The following DMXL2 variants were observed in gnomAD, a reference collection of about 807,000 sequenced individuals.
The protein encoded by DMXL2 is Dmx like 2.
DMXL2 carries 103 observed loss-of-function variants against 331.1 expected under a neutral mutation model. That is an observed-to-expected ratio of 0.31 (90% confidence interval 0.27 to 0.37). The LOEUF (loss-of-function observed/expected upper bound fraction) is 0.37, where lower values mean the gene tolerates loss of function less well. Ranked by LOEUF, DMXL2 falls within the 10% of genes least tolerant of loss-of-function variation. The probability of loss-of-function intolerance (pLI) is 1.00; values close to 1 mark genes in which losing one functional copy is unlikely to be tolerated. For missense variants in DMXL2, 3,171 were observed against 3,642.9 expected, an observed-to-expected ratio of 0.87 and a Z score of 3.33; for synonymous variants, 1,281 against 1,252.1, an observed-to-expected ratio of 1.02 and a Z score of -0.49.
chr15:51,460,827 T>C (rs2040045631), intron 33 of DMXL2, among the ~76,000 whole-genome samples: 1 of 152,220 alleles, frequency 6.6e-6, no homozygotes, highest in African/African-American at 2.4e-5. Flanking sequence ...ATTTTTTTCT[T>C]AATAAAACAC....
intron 2 of DMXL2, 28 bp from the exon 3 acceptor site, chr15:51,568,586 A>G: frequency 7.0e-7 from 1 of 1,433,588 alleles, no homozygotes; most frequent in Middle Eastern, 1.8e-4. Context: ...CAGCATTAAT[A>G]TCTAGAAAAG....
chr15:51,596,774 A>G (rs1442086439), intron 1 of DMXL2, among the ~76,000 whole-genome samples: 1 of 152,212 alleles, frequency 6.6e-6, no homozygotes, highest in Non-Finnish European at 1.5e-5. Context: ...CTTTGTAGGA[A>G]CATGGATGAA....
intron 1 of DMXL2, among the ~76,000 whole-genome samples, chr15:51,604,604 T>G (rs746742497): frequency 5.3e-4 from 81 of 152,090 alleles, no homozygotes; most frequent in East Asian, 1.9e-4. Flanking sequence ...TCAAAGAAGA[T>G]CTAAATAAAT....
chr15:51,474,463 G>A lies in DMXL2; in HGVS notation c.7094C>T (p.Ser2365Phe), dbSNP rs1566998291. ...TGCAAGCCGAAATAATTCACTGGAG[G>A]AATTTGTGGCAAGAGCATGTATCAA... ...SLLIHALATNSSSELFRLAAH... is the reference protein window; with the variant it reads ...SLLIHALATNFSSELFRLAAH... The change falls in exon 28 of 44, where the codon TCC (serine) becomes TTC (phenylalanine). Residue 2365 changes from serine to phenylalanine, a missense_variant. Around this residue, in one of 7 missense-constraint regions of DMXL2, gnomAD observed 766 missense variants for 940.5 expected, o/e 0.81. Coordinates refer to ENST00000560891, the MANE Select transcript of DMXL2 (RefSeq NM_001378457.1). 1 of 1,614,128 alleles carries A rather than the reference G, an allele frequency of 6.2e-7. No homozygotes were observed. The highest frequency in any genetic ancestry group is 8.5e-7 in the Non-Finnish European group (1 of 1,180,002).
intron 1 of DMXL2, among the ~76,000 whole-genome samples, chr15:51,615,673 G>A (rs2054242637): frequency 6.6e-6 from 1 of 152,114 alleles, no homozygotes; most frequent in South Asian, 2.1e-4. Context: ...CCACATAAAA[G>A]GAATGATGGG....
At chr15:51,519,792 G>A (rs1009656011) in intron 13 of DMXL2, among the ~76,000 whole-genome samples, 6 of 151,382 alleles carry the variant, frequency 4.0e-5, no homozygotes, top group Non-Finnish European at 8.8e-5. Context: ...ACAGGTGCAC[G>A]CCACCACACC....
At chr15:51,478,013 CTTCT>C (rs1031346040) in intron 26 of DMXL2, among the ~76,000 whole-genome samples, 8 of 152,098 alleles carry the variant, frequency 5.3e-5, no homozygotes, top group Admixed American at 3.9e-4. Context: ...ACAGTAAACT[CTTCT>C]TTCTTAAAAA....
intron 23 of DMXL2, among the ~76,000 whole-genome samples, chr15:51,482,436 C>T (rs893694374): frequency 1.3e-5 from 2 of 151,928 alleles, no homozygotes; most frequent in Non-Finnish European, 2.9e-5. Flanking sequence ...AAGAAAGAAC[C>T]CTATAATCTA....
intron 19 of DMXL2, among the ~76,000 whole-genome samples, chr15:51,492,160 T>C (rs2042848030): frequency 6.6e-6 from 1 of 152,348 alleles, no homozygotes; most frequent in East Asian, 1.9e-4. Context: ...CACCAGGACC[T>C]GTGAATCCGG....
At chr15:51,486,912 T>A (rs2042435636) in intron 22 of DMXL2, among the ~76,000 whole-genome samples, 1 of 152,140 alleles carries the variant, frequency 6.6e-6, no homozygotes, top group Admixed American at 6.5e-5. Flanking sequence ...ATCTTAAGTA[T>A]TTGTTATTTA....
At chr15:51,547,556 A>C (rs979334553) in intron 6 of DMXL2, 148 bp from the exon 7 acceptor site, 11 of 503,986 alleles carry the variant, frequency 2.2e-5, no homozygotes, top group Middle Eastern at 5.1e-4. Flanking sequence ...AAATTACATT[A>C]CTTTAAAGAA....
intron 1 of DMXL2, among the ~76,000 whole-genome samples, chr15:51,601,560 G>T (rs1460134702): frequency 6.6e-6 from 1 of 152,120 alleles, no homozygotes; most frequent in East Asian, 1.9e-4. Context: ...TGCCAATTGT[G>T]ATATAAATCA....
At chr15:51,567,189 C>T (rs147506481) in intron 3 of DMXL2, 2,992 of 152,202 alleles carry the variant, frequency 0.02, 127 homozygotes, top group Admixed American at 0.1. Context: ...ACTATAGGCA[C>T]GTGCCACCAC....
intron 28 of DMXL2, among the ~76,000 whole-genome samples, chr15:51,472,779 C>T (rs1295615049): frequency 6.6e-6 from 1 of 152,118 alleles, no homozygotes; most frequent in Non-Finnish European, 1.5e-5. Flanking sequence ...TTGATGGTAA[C>T]CCACAATTAT....
At chr15:51,528,951 A>C (rs916703009) in intron 13 of DMXL2, among the ~76,000 whole-genome samples, 1 of 152,204 alleles carries the variant, frequency 6.6e-6, no homozygotes, top group African/African-American at 2.4e-5. Flanking sequence ...ATCAATAACA[A>C]GGAATTTTGG....
intron 1 of DMXL2, among the ~76,000 whole-genome samples, chr15:51,622,096 G>A (rs1337719260): frequency 6.6e-6 from 1 of 152,006 alleles, no homozygotes; most frequent in Non-Finnish European, 1.5e-5. Context: ...CCTCCACGCC[G>A]AGAGCAGCTG....
intron 1 of DMXL2, among the ~76,000 whole-genome samples, chr15:51,606,305 TCAAG>T (rs2053582743): frequency 6.6e-6 from 1 of 152,142 alleles, no homozygotes; most frequent in Admixed American, 6.6e-5. Context: ...CCTCCCGGGT[TCAAG>T]CAATTCTTCT....
chr15:51,551,171 T>A (rs2049195005), intron 6 of DMXL2, among the ~76,000 whole-genome samples: 2 of 151,652 alleles, frequency 1.3e-5, no homozygotes, highest in African/African-American at 4.8e-5. Flanking sequence ...ATCAGGATAA[T>A]CTTAATCAGA....
chr15:51,576,765 T>C (rs559922026), intron 1 of DMXL2, among the ~76,000 whole-genome samples: 3 of 152,122 alleles, frequency 2.0e-5, no homozygotes, highest in African/African-American at 7.2e-5. Context: ...ACATCCACCA[T>C]CCATCCCCAA....
Sources: allele counts gnomAD v4.1 joint callset (sites outside exome capture counted in the v4.1 genomes callset), GRCh38; gene constraint gnomAD v4.1.1; regional missense constraint gnomAD v4.1.1; transcripts MANE v1.5; gene names NCBI Gene and HGNC (gene_info 2026-07-23, HGNC 2026-07-21).